Variants in SLC16A2 observed in about 807,000 individuals in gnomAD.
SLC16A2 encodes the protein solute carrier family 16 member 2, also known as monocarboxylate transporter 8.
SLC16A2 carries 3 observed loss-of-function variants against 27.2 expected under a neutral mutation model. The ratio of observed to expected loss-of-function variants is 0.11; its 90% CI spans 0.05 to 0.28. The LOEUF is 0.28. Ranked by LOEUF, SLC16A2 falls within the 10% of genes least tolerant of loss-of-function variation. The probability of loss-of-function intolerance (pLI) is 1.00; values close to 1 mark genes in which losing one functional copy is unlikely to be tolerated. For synonymous variants in SLC16A2, 202 were observed against 187.8 expected, an observed-to-expected ratio of 1.08 and a Z score of -0.62; for missense variants, 295 against 458.5, an observed-to-expected ratio of 0.64 and a Z score of 3.26.
chrX:74,526,376 A>G, intron 4 of SLC16A2, among the ~76,000 whole-genome samples: 1 of 111,879 alleles, frequency 8.9e-6, no homozygotes, highest in Non-Finnish European at 1.9e-5. Context: ...CAAGTAATCC[A>G]TCAGGAAGGT....
intron 5 of SLC16A2, 58 bp from the exon 6 acceptor site, chrX:74,531,275 A>C: frequency 9.7e-7 from 1 of 1,026,737 alleles, no homozygotes; most frequent in South Asian, 1.9e-5. Context: ...ACGGGCTGAG[A>C]GTACCTTTGG....
intron 1 of SLC16A2, among the ~76,000 whole-genome samples, chrX:74,493,106 G>T (rs1439659833): frequency 8.9e-6 from 1 of 111,851 alleles, no homozygotes; most frequent in Non-Finnish European, 1.9e-5. Flanking sequence ...CACCTCCCAG[G>T]CCACCAGGAG....
intron 1 of SLC16A2, among the ~76,000 whole-genome samples, chrX:74,434,770 T>A (rs1196045542): frequency 9.2e-6 from 1 of 109,281 alleles, no homozygotes; most frequent in Non-Finnish European, 1.9e-5. Flanking sequence ...TATTGAATGA[T>A]AAAAATTCCC....
intron 1 of SLC16A2, among the ~76,000 whole-genome samples, chrX:74,433,674 C>T (rs996190770): frequency 2.0e-4 from 22 of 111,910 alleles, no homozygotes; most frequent in Non-Finnish European, 3.8e-5. Context: ...TTTCATACTT[C>T]GAACTATATC....
intron 1 of SLC16A2, among the ~76,000 whole-genome samples, chrX:74,506,927 T>A (rs1274321691): frequency 2.6e-4 from 8 of 30,222 alleles, no homozygotes; most frequent in Non-Finnish European, 7.6e-4. Context: ...ATTTATTTAT[T>A]TATTTATTTA....
At chrX:74,511,943 G>C (rs146302467) in intron 1 of SLC16A2, among the ~76,000 whole-genome samples, 1,309 of 111,998 alleles carry the variant, frequency 0.012, 64 homozygotes, top group Admixed American at 0.11. Flanking sequence ...AAGGGCTCCT[G>C]TTATCTCAGT....
intron 1 of SLC16A2, among the ~76,000 whole-genome samples, chrX:74,482,241 G>C (rs1431122201): frequency 9.0e-6 from 1 of 111,295 alleles, no homozygotes; most frequent in Non-Finnish European, 1.9e-5. Flanking sequence ...TTGGTTTTTG[G>C]CTTCTGACAT....
At chrX:74,530,385 C>T (rs1930550693) in intron 5 of SLC16A2, among the ~76,000 whole-genome samples, 2 of 112,150 alleles carry the variant, frequency 1.8e-5, no homozygotes, top group Admixed American at 9.4e-5. Flanking sequence ...CAGGCGTGAG[C>T]CACCACACCC....
Position 74,485,077 on chromosome X carries a change from G to A in SLC16A2, c.431-35913G>A, listed in dbSNP as rs916097269. On this transcript the variant is annotated intron_variant, in intron 1 of 5. Transcript: ENST00000587091. ...ACTAAAAATACAAAACTATCCGGGC[G>A]TGGGGGCTCATGCCTGTAATCCCAG... 9.1e-5 allele frequency among the ~76,000 whole-genome samples: 10 copies of A among 110,342 alleles called. No individual in the cohort carries two copies. In the South Asian group the frequency reaches 2.0e-3, roughly 22 times the overall value.
At chrX:74,521,179 GT>G (rs1569299188) in intron 2 of SLC16A2, 45 bp downstream of exon 2, 2 of 1,196,872 alleles carry the variant, frequency 1.7e-6, no homozygotes, top group Non-Finnish European at 2.3e-6. Context: ...CTGAGGGTTG[GT>G]TTTTTTCTGG....
intron 1 of SLC16A2, among the ~76,000 whole-genome samples, chrX:74,470,011 C>G (rs185961740): frequency 1.5e-4 from 17 of 111,938 alleles, no homozygotes. Context: ...ACCACTGATC[C>G]TTTTACTGTC....
chrX:74,475,115 A>G (rs1365490833), intron 1 of SLC16A2, among the ~76,000 whole-genome samples: 1 of 108,242 alleles, frequency 9.2e-6, no homozygotes, highest in African/African-American at 3.4e-5. Flanking sequence ...AAGTGTTCCT[A>G]TTTCTCCACA....
At chrX:74,478,598 C>A (rs1242719526) in intron 1 of SLC16A2, among the ~76,000 whole-genome samples, 4 of 111,638 alleles carry the variant, frequency 3.6e-5, no homozygotes, top group Non-Finnish European at 7.5e-5. Flanking sequence ...TACAATTTGG[C>A]ATGTTTTTGC....
intron 5 of SLC16A2, among the ~76,000 whole-genome samples, chrX:74,530,541 T>C (rs1044799852): frequency 1.8e-5 from 2 of 112,315 alleles, no homozygotes; most frequent in Non-Finnish European, 3.8e-5. Context: ...TGTGTGACAG[T>C]GGCAAAAGCT....
intron 1 of SLC16A2, among the ~76,000 whole-genome samples, chrX:74,501,306 A>G (rs1056252385): frequency 6.3e-5 from 7 of 111,268 alleles, no homozygotes; most frequent in Non-Finnish European, 1.3e-4. Context: ...CTCTCCCCAG[A>G]GAGACCTGTA....
intron 1 of SLC16A2, among the ~76,000 whole-genome samples, chrX:74,438,557 G>A (rs1279752053): frequency 2.7e-5 from 3 of 112,132 alleles, no homozygotes; most frequent in Non-Finnish European, 5.6e-5. Flanking sequence ...TATCCACATG[G>A]ATATACTTTC....
chrX:74,423,797 A>G (rs949222842), intron 1 of SLC16A2, among the ~76,000 whole-genome samples: 2 of 111,177 alleles, frequency 1.8e-5, no homozygotes, highest in Non-Finnish European at 3.8e-5. Context: ...CCTGCTGAGC[A>G]TTGCCCTGTG....
intron 1 of SLC16A2, among the ~76,000 whole-genome samples, chrX:74,448,332 G>A (rs1182866036): frequency 2.2e-5 from 2 of 88,952 alleles, no homozygotes; most frequent in East Asian, 3.6e-4. Flanking sequence ...TTTTTTGGAT[G>A]AGGAAACCAG....
At chrX:74,473,896 C>T (rs2147853211) in intron 1 of SLC16A2, 1 of 460,120 alleles carries the variant, frequency 2.2e-6, no homozygotes, top group South Asian at 3.4e-5. Context: ...AAGCTCAACC[C>T]TTCAATGAAG....
Sources: gnomAD v4.1 joint callset for allele counts (sites outside exome capture counted in the v4.1 genomes callset) on GRCh38, gnomAD v4.1.1 for gene constraint, MANE v1.5 for transcripts, NCBI Gene and HGNC (gene_info 2026-07-23, HGNC 2026-07-21) for gene names.